The following ZFHX3 variants were observed in gnomAD, a reference collection of about 807,000 sequenced individuals.
ZFHX3 encodes zinc finger homeobox protein 3.
ZFHX3 carries 42 observed loss-of-function variants against 279.1 expected under a neutral mutation model. That is an observed-to-expected ratio of 0.15 (90% CI 0.12 to 0.19). The LOEUF is 0.19. Among genes scored for constraint, ZFHX3 ranks in the 10% least tolerant of loss-of-function variants. ZFHX3 has a pLI of 1.00. For synonymous variants in ZFHX3, 2,293 were observed against 1,957.8 expected, an observed-to-expected ratio of 1.17 and a Z score of -4.52; for missense variants, 4,981 against 4,754.0, an observed-to-expected ratio of 1.05 and a Z score of -1.40.
intron 2 of ZFHX3, among the ~76,000 whole-genome samples, chr16:73,581,975 T>A (rs915305163): frequency 1.3e-5 from 2 of 151,736 alleles, no homozygotes; most frequent in African/African-American, 4.9e-5. Flanking sequence ...CACCCAGCCT[T>A]AGAACATATT....
intron 1 of ZFHX3, among the ~76,000 whole-genome samples, chr16:73,752,886 T>C (rs74028458): frequency 0.021 from 3,236 of 152,296 alleles, 81 homozygotes; most frequent in African/African-American, 0.053. Flanking sequence ...AGATAACATT[T>C]GCAGGTACCT....
chr16:73,660,670 A>T (rs535194412), intron 2 of ZFHX3, among the ~76,000 whole-genome samples: 1 of 152,156 alleles, frequency 6.6e-6, no homozygotes, highest in Non-Finnish European at 1.5e-5. Flanking sequence ...CGAGAAACAC[A>T]ATGAAAACGT....
intron 7 of ZFHX3, among the ~76,000 whole-genome samples, chr16:73,097,231 A>T (rs1263329486): frequency 3.9e-5 from 5 of 126,692 alleles, no homozygotes; most frequent in South Asian, 2.5e-4. Flanking sequence ...GCTAATTTTA[A>T]TTTTTTTTTT....
intron 3 of ZFHX3, among the ~76,000 whole-genome samples, chr16:72,893,185 A>C (rs1337860158): frequency 6.6e-6 from 1 of 152,230 alleles, no homozygotes; most frequent in Non-Finnish European, 1.5e-5. Flanking sequence ...TGGCAGAGAC[A>C]ATAACCATGA....
At chr16:73,814,878 A>T (rs1483213281) in intron 1 of ZFHX3, among the ~76,000 whole-genome samples, 1 of 152,042 alleles carries the variant, frequency 6.6e-6, no homozygotes, top group Non-Finnish European at 1.5e-5. Flanking sequence ...CCACTTCACA[A>T]CTTCTTAAAA....
At chr16:73,444,807 C>T (rs1054575841) in intron 3 of ZFHX3, among the ~76,000 whole-genome samples, 5 of 152,092 alleles carry the variant, frequency 3.3e-5, no homozygotes, top group African/African-American at 1.2e-4. Context: ...GCCACCTGAC[C>T]TGTGCTCACC....
At chr16:73,172,718 C>G (rs1967558923) in intron 5 of ZFHX3, among the ~76,000 whole-genome samples, 1 of 152,206 alleles carries the variant, frequency 6.6e-6, no homozygotes, top group African/African-American at 2.4e-5. Flanking sequence ...CGGCTGTATG[C>G]CAAGCACGGG....
chr16:73,356,837 G>C (rs2016349085), intron 3 of ZFHX3, among the ~76,000 whole-genome samples: 1 of 148,798 alleles, frequency 6.7e-6, no homozygotes, highest in African/African-American at 2.5e-5. Context: ...TCACCTGAGG[G>C]CTTTTTTTTT....
At chr16:73,823,165 G>A (rs911115346) in intron 1 of ZFHX3, among the ~76,000 whole-genome samples, 3 of 152,178 alleles carry the variant, frequency 2.0e-5, no homozygotes, top group Admixed American at 6.5e-5. Context: ...TATTTATAAT[G>A]AGGAAATCTT....
chr16:73,011,226 C>T (rs551604730), intron 1 of ZFHX3, among the ~76,000 whole-genome samples: 9 of 152,144 alleles, frequency 5.9e-5, no homozygotes, highest in East Asian at 5.8e-4. Context: ...CAGGTCGATC[C>T]GCCTGCCTCA....
At chr16:73,734,150 T>G (rs190857527) in intron 1 of ZFHX3, among the ~76,000 whole-genome samples, 63 of 152,140 alleles carry the variant, frequency 4.1e-4, no homozygotes, top group African/African-American at 1.3e-3. Flanking sequence ...TGACAGGAGG[T>G]GGAGCTCAGG....
intron 4 of ZFHX3, among the ~76,000 whole-genome samples, chr16:72,887,797 G>A (rs1385197568): frequency 6.6e-6 from 1 of 152,008 alleles, no homozygotes; most frequent in East Asian, 1.9e-4. Flanking sequence ...TACAACGTAT[G>A]TGGGTATGGT....
intron 3 of ZFHX3, among the ~76,000 whole-genome samples, chr16:73,331,680 T>C (rs1471671924): frequency 1.3e-5 from 2 of 152,226 alleles, no homozygotes; most frequent in Admixed American, 6.5e-5. Flanking sequence ...GCTGTTGATA[T>C]AGTATACTAA....
intron 2 of ZFHX3, among the ~76,000 whole-genome samples, chr16:73,635,911 ATT>A (rs1334676038): frequency 6.6e-6 from 1 of 152,102 alleles, no homozygotes; most frequent in Non-Finnish European, 1.5e-5. Context: ...CATTTTCCTG[ATT>A]TCATGTAATT....
intron 2 of ZFHX3, among the ~76,000 whole-genome samples, chr16:73,616,399 T>C (rs1343669170): frequency 1.4e-5 from 2 of 138,946 alleles, no homozygotes; most frequent in African/African-American, 5.5e-5. Context: ...GCATACTAGA[T>C]CTAATAGCAG....
At chr16:73,670,111 T>C (rs1481004816) in intron 2 of ZFHX3, among the ~76,000 whole-genome samples, 1 of 152,178 alleles carries the variant, frequency 6.6e-6, no homozygotes, top group African/African-American at 2.4e-5. Context: ...CTGGATAAGG[T>C]GGTTTCCCTC....
intron 1 of ZFHX3, among the ~76,000 whole-genome samples, chr16:73,866,275 G>T (rs140361908): frequency 0.012 from 1,734 of 145,676 alleles, 46 homozygotes; most frequent in African/African-American, 0.042. Context: ...CGTCTCCCAG[G>T]TTCAAGGGAT....
chr16:73,212,505 C>G (rs2012055648), intron 5 of ZFHX3, among the ~76,000 whole-genome samples: 1 of 152,178 alleles, frequency 6.6e-6, no homozygotes, highest in Admixed American at 6.5e-5. Context: ...CATAAACAAT[C>G]CTGCTGTGAA....
intron 3 of ZFHX3, among the ~76,000 whole-genome samples, chr16:73,367,721 A>T (rs78737096): frequency 0.036 from 5,424 of 152,262 alleles, 143 homozygotes; most frequent in Non-Finnish European, 0.059. Flanking sequence ...TCTGAGCCTC[A>T]TTCTTCCCAT....
Sources: allele counts gnomAD v4.1 joint callset (sites outside exome capture counted in the v4.1 genomes callset), GRCh38; gene constraint gnomAD v4.1.1; transcripts MANE v1.5; gene names NCBI Gene and HGNC (gene_info 2026-07-23, HGNC 2026-07-21).